The following PALM2AKAP2 variants were observed in gnomAD, a reference collection of about 807,000 sequenced individuals.
The protein encoded by PALM2AKAP2 is PALM2 and AKAP2 fusion.
Under a neutral mutation model 71.5 loss-of-function variants are expected in PALM2AKAP2, and 37 were observed. That is an observed-to-expected ratio of 0.52 (90% CI 0.40 to 0.68). The LOEUF (loss-of-function observed/expected upper bound fraction) is 0.68. PALM2AKAP2 is among the 30% of genes least tolerant of loss of function. PALM2AKAP2 has a pLI of 0.00. For missense variants in PALM2AKAP2, 1,224 were observed against 1,191.8 expected, an observed-to-expected ratio of 1.03 and a Z score of -0.40; for synonymous variants, 468 against 478.8, an observed-to-expected ratio of 0.98 and a Z score of 0.29.
intron 2 of PALM2AKAP2, among the ~76,000 whole-genome samples, chr9:109,874,544 C>T (rs527780634): frequency 2.0e-5 from 3 of 152,308 alleles, no homozygotes; most frequent in East Asian, 1.9e-4. Flanking sequence ...TCATTATTGT[C>T]ACCATCATCA....
Position 110,051,472 on chromosome 9 carries a change from A to T in PALM2AKAP2, c.156+2617A>T, listed in dbSNP as rs369788724. ...TTGTCTAGATAATTACAATAATCCAAACAATAACCATTACGGATTTGGTGA... is the reference window on the plus strand; with the variant it reads ...TTGTCTAGATAATTACAATAATCCATACAATAACCATTACGGATTTGGTGA... On this transcript the variant is annotated intron_variant, in intron 1 of 3. Coordinates refer to ENST00000374525, the Ensembl canonical transcript of PALM2AKAP2. Among the ~76,000 whole-genome samples the T allele has an allele frequency of 4.6e-5, 7 of 152,330 alleles. No individual in the cohort carries two copies. In the East Asian group the frequency reaches 9.6e-4, roughly 21 times the overall value.
chr9:109,954,725 G>T (rs144280760), intron 6 of PALM2AKAP2, among the ~76,000 whole-genome samples: 1 of 150,166 alleles, frequency 6.7e-6, no homozygotes, highest in East Asian at 2.0e-4. Context: ...TAGGGCAGAA[G>T]TCAGAAAATG....
upstream of PALM2AKAP2, among the ~76,000 whole-genome samples, chr9:110,047,187 T>C (rs1833617009): frequency 6.6e-6 from 1 of 152,194 alleles, no homozygotes; most frequent in Non-Finnish European, 1.5e-5. Context: ...AATTCAATAG[T>C]ATAAGAGACA....
intron 1 of PALM2AKAP2, among the ~76,000 whole-genome samples, chr9:109,852,382 A>G (rs1054412909): frequency 6.6e-6 from 1 of 152,028 alleles, no homozygotes; most frequent in Non-Finnish European, 1.5e-5. Flanking sequence ...ATTCTTTTTT[A>G]TGGCTGTGTA....
chr9:110,109,828 A>G (rs182303701), intron 1 of PALM2AKAP2, among the ~76,000 whole-genome samples: 1 of 152,258 alleles, frequency 6.6e-6, no homozygotes, highest in East Asian at 1.9e-4. Flanking sequence ...TTAAAAAAAA[A>G]GTTCAGTCTC....
intron 1 of PALM2AKAP2, among the ~76,000 whole-genome samples, chr9:109,787,562 G>T (rs1438233193): frequency 6.6e-6 from 1 of 152,226 alleles, no homozygotes; most frequent in Non-Finnish European, 1.5e-5. Context: ...CAGGGGGCCA[G>T]CATGCAATGT....
chr9:109,707,269 C>G (rs559454867), intron 1 of PALM2AKAP2, among the ~76,000 whole-genome samples: 16 of 151,838 alleles, frequency 1.1e-4, no homozygotes, highest in Non-Finnish European at 1.6e-4. Flanking sequence ...AGAGAACTGC[C>G]CCCCTACCAC....
At chr9:109,739,371 A>C (rs1006920823) in intron 1 of PALM2AKAP2, among the ~76,000 whole-genome samples, 10 of 152,218 alleles carry the variant, frequency 6.6e-5, no homozygotes, top group African/African-American at 2.4e-4. Context: ...AAAAAGAAAT[A>C]GGAAACTCAT....
At chr9:109,992,720 C>T (rs1198433929) in intron 6 of PALM2AKAP2, among the ~76,000 whole-genome samples, 11 of 151,964 alleles carry the variant, frequency 7.2e-5, no homozygotes, top group South Asian at 2.1e-4. Flanking sequence ...GAGGTGTAAG[C>T]GCTAAAGAGA....
At chr9:109,956,402 T>G (rs1478394209) in intron 6 of PALM2AKAP2, among the ~76,000 whole-genome samples, 1 of 152,210 alleles carries the variant, frequency 6.6e-6, no homozygotes, top group African/African-American at 2.4e-5. Flanking sequence ...GGGCCTATTC[T>G]CTTCAGGCCA....
chr9:109,707,007 C>A (rs1053663023), intron 1 of PALM2AKAP2, among the ~76,000 whole-genome samples: 2 of 152,090 alleles, frequency 1.3e-5, no homozygotes, highest in African/African-American at 2.4e-5. Flanking sequence ...TGCTAAAAAC[C>A]ATTGACTAGT....
upstream of PALM2AKAP2, among the ~76,000 whole-genome samples, chr9:109,778,828 A>G (rs903851365): frequency 2.0e-5 from 3 of 148,918 alleles, no homozygotes. Context: ...GAGTGCAATG[A>G]TGTGATCTCG....
chr9:109,702,072 A>G (rs1362153274), intron 1 of PALM2AKAP2, among the ~76,000 whole-genome samples: 2 of 152,356 alleles, frequency 1.3e-5, no homozygotes, highest in East Asian at 1.9e-4. Context: ...AATGGCAATC[A>G]TTAAAAAGTC....
At chr9:109,867,697 C>T (rs1466723138) in intron 2 of PALM2AKAP2, 126 bp downstream of exon 2, 2 of 1,079,770 alleles carry the variant, frequency 1.9e-6, no homozygotes, top group Non-Finnish European at 2.6e-6. Flanking sequence ...TTCATTCAAT[C>T]AGGAAACCAT....
At chr9:109,902,764 C>T (rs1425620598) in intron 3 of PALM2AKAP2, among the ~76,000 whole-genome samples, 3 of 152,188 alleles carry the variant, frequency 2.0e-5, no homozygotes, top group Admixed American at 1.3e-4. Flanking sequence ...CCTGCTTGGA[C>T]TTTGGAAATC....
intron 7 of PALM2AKAP2, among the ~76,000 whole-genome samples, chr9:110,032,470 A>T (rs921827477): frequency 6.6e-6 from 1 of 152,094 alleles, no homozygotes; most frequent in African/African-American, 2.4e-5. Flanking sequence ...AGGCGGGCAG[A>T]TCACGAGGTC....
intron 1 of PALM2AKAP2, among the ~76,000 whole-genome samples, chr9:109,792,869 T>A (rs1333345282): frequency 6.6e-6 from 1 of 152,190 alleles, no homozygotes; most frequent in Non-Finnish European, 1.5e-5. Flanking sequence ...ATTAAAATAT[T>A]ATTTGTTGTT....
At chr9:109,756,902 C>G (rs1647806179) in intron 1 of PALM2AKAP2, among the ~76,000 whole-genome samples, 1 of 152,016 alleles carries the variant, frequency 6.6e-6, no homozygotes, top group Non-Finnish European at 1.5e-5. Context: ...GTATAGAAAA[C>G]CTAATGATCA....
At chr9:109,923,821 C>T (rs1204898184) in exon 4 of PALM2AKAP2, 2 of 1,595,912 alleles carry the variant, frequency 1.3e-6, no homozygotes, top group African/African-American at 1.4e-5. Context: ...CTGAAGGAAA[C>T]AGAAAAATCC....
Sources: allele counts gnomAD v4.1 joint callset (sites outside exome capture counted in the v4.1 genomes callset), GRCh38; gene constraint gnomAD v4.1.1; transcripts MANE v1.5; gene names NCBI Gene and HGNC (gene_info 2026-07-23, HGNC 2026-07-21).